The following ZMYND11 variants were observed in gnomAD, a reference collection of about 807,000 sequenced individuals.
ZMYND11 encodes zinc finger MYND domain-containing protein 11.
Under a neutral mutation model 84.9 loss-of-function variants are expected in ZMYND11, and 9 were observed. The observed-to-expected ratio is 0.11, with a 90% CI of 0.06 to 0.18. The LOEUF (loss-of-function observed/expected upper bound fraction) is 0.18, where lower values mean the gene tolerates loss of function less well. ZMYND11 is among the 10% of genes least tolerant of loss of function. ZMYND11 has a pLI of 1.00. For synonymous variants in ZMYND11, 250 were observed against 244.1 expected (o/e 1.02, Z -0.23); for missense variants, 409 against 761.0 (o/e 0.54, Z 5.44).
At chr10:214,604 G>A (rs2496275) in intron 3 of ZMYND11, among the ~76,000 whole-genome samples, 98,371 of 152,136 alleles carry the variant, frequency 0.65, 31,996 homozygotes, top group East Asian at 0.83. Context: ...GAAAAAGACC[G>A]CAAGACCAGG....
chr10:163,621 T>A (rs1323086151), intron 1 of ZMYND11, among the ~76,000 whole-genome samples: 1 of 152,164 alleles, frequency 6.6e-6, no homozygotes, highest in Non-Finnish European at 1.5e-5. Context: ...TAATTACATA[T>A]ATTTTAAAAA....
intron 9 of ZMYND11, among the ~76,000 whole-genome samples, chr10:241,373 T>G (rs1311123279): frequency 6.6e-6 from 1 of 152,250 alleles, no homozygotes; most frequent in Non-Finnish European, 1.5e-5. Context: ...AGATGGGGTT[T>G]TACCATGTTG....
intron 14 of ZMYND11, chr10:249,922 G>C (rs1953017152): frequency 6.7e-6 from 2 of 296,424 alleles, no homozygotes; most frequent in South Asian, 1.3e-4. Flanking sequence ...AAGATAACTT[G>C]GTAGGAAGAG....
intron 6 of ZMYND11, among the ~76,000 whole-genome samples, chr10:239,060 G>T (rs906277725): frequency 5.9e-5 from 9 of 152,318 alleles, no homozygotes; most frequent in East Asian, 1.9e-4. Flanking sequence ...ATCCTCCTGT[G>T]TTGTAAAGAA....
chr10:140,923 A>G (rs1837353625), intron 1 of ZMYND11, among the ~76,000 whole-genome samples: 1 of 152,220 alleles, frequency 6.6e-6, no homozygotes, highest in Non-Finnish European at 1.5e-5. Flanking sequence ...ATGTAAAACT[A>G]AAGAAGTAGA....
At chr10:142,226 C>G (rs1359791592) in intron 1 of ZMYND11, among the ~76,000 whole-genome samples, 5 of 152,100 alleles carry the variant, frequency 3.3e-5, no homozygotes, top group Admixed American at 2.0e-4. Flanking sequence ...TCAGCCTCCC[C>G]AGGAGCTAGA....
chr10:212,500 TAGAA>T (rs1452227741), intron 3 of ZMYND11, among the ~76,000 whole-genome samples: 1 of 151,540 alleles, frequency 6.6e-6, no homozygotes, highest in Non-Finnish European at 1.5e-5. Flanking sequence ...TGTAGTTTAT[TAGAA>T]AGAAGTAAGA....
rs1953942204 is a variant in ZMYND11 at position 253,904 on chromosome 10, CTGTGAAAT to C, written c.*1435_*1442del. ...AAAGATAAAAATGTAACTAAGTCTT[CTGTGAAAT>C]ATCATCCATCTAATCTTGATGCTGT... On this transcript the variant is annotated 3_prime_UTR_variant, in exon 15 of 15. Coordinates refer to ENST00000381604, the MANE Select transcript of ZMYND11 (RefSeq NM_001370100.5). 2 of 152,638 alleles carry C rather than the reference CTGTGAAAT, an allele frequency of 1.3e-5. No homozygotes were observed. The highest frequency in any genetic ancestry group is 1.3e-4 in the Admixed American group (2 of 15,282). 9.5% of individuals were successfully genotyped at this position (152,638 alleles called of 1,614,324 possible).
At chr10:176,079 C>A (rs1846553472) in intron 1 of ZMYND11, among the ~76,000 whole-genome samples, 1 of 152,200 alleles carries the variant, frequency 6.6e-6, no homozygotes, top group East Asian at 1.9e-4. Context: ...TTTGCTTATT[C>A]TTAAGTTTTT....
At chr10:166,168 C>T (rs1564301180) in intron 1 of ZMYND11, among the ~76,000 whole-genome samples, 1 of 152,160 alleles carries the variant, frequency 6.6e-6, no homozygotes, top group African/African-American at 2.4e-5. Flanking sequence ...ACAGTTTAAT[C>T]TTCCTGACCT....
chr10:177,396 G>T (rs931425284), intron 1 of ZMYND11, among the ~76,000 whole-genome samples: 4 of 152,022 alleles, frequency 2.6e-5, no homozygotes, highest in African/African-American at 9.7e-5. Flanking sequence ...GTATTACAAG[G>T]TATGTTTATT....
intron 4 of ZMYND11, among the ~76,000 whole-genome samples, chr10:223,682 GT>G (rs1947561261): frequency 6.6e-6 from 1 of 152,098 alleles, no homozygotes; most frequent in South Asian, 2.1e-4. Context: ...TTGTTTTATG[GT>G]ATTCAAGAAA....
chr10:145,728 G>A (rs940105661), intron 1 of ZMYND11, among the ~76,000 whole-genome samples: 3 of 151,880 alleles, frequency 2.0e-5, no homozygotes, highest in East Asian at 1.9e-4. Flanking sequence ...TCATTTGTCC[G>A]CTTTTTGATG....
intron 1 of ZMYND11, among the ~76,000 whole-genome samples, chr10:161,958 G>A (rs767035237): frequency 2.0e-5 from 3 of 152,156 alleles, no homozygotes; most frequent in Non-Finnish European, 4.4e-5. Flanking sequence ...TCGCAGCTGG[G>A]ATAGCTGTTT....
At chr10:180,478 C>CA (rs1384821078) in intron 2 of ZMYND11, among the ~76,000 whole-genome samples, 1 of 152,196 alleles carries the variant, frequency 6.6e-6, no homozygotes, top group East Asian at 1.9e-4. Context: ...CAGCTCATGG[C>CA]AACCTCCGCT....
At chr10:151,386 G>C (rs1554756997) in intron 1 of ZMYND11, among the ~76,000 whole-genome samples, 1 of 152,160 alleles carries the variant, frequency 6.6e-6, no homozygotes, top group African/African-American at 2.4e-5. Context: ...TGATGGAGCT[G>C]AAAACCATCG....
intron 2 of ZMYND11, among the ~76,000 whole-genome samples, chr10:200,205 G>GTGTGTGTGTGTGTGTGTGTGTGT (rs10523531): frequency 7.6e-6 from 1 of 132,434 alleles, no homozygotes. Context: ...GCCTGGCTAG[G>GTGTGTGTGTGTGTGTGTGTGTGT]GTGTGTGTGT....
intron 9 of ZMYND11, 60 bp from the exon 10 acceptor site, chr10:241,961 G>T: frequency 1.9e-6 from 3 of 1,562,000 alleles, no homozygotes; most frequent in African/African-American, 2.7e-5. Context: ...TAATATTAAT[G>T]GTACACTTGC....
chr10:147,737 G>A (rs1554755761), intron 1 of ZMYND11: 5 of 151,064 alleles, frequency 3.3e-5, no homozygotes, highest in South Asian at 4.2e-4. Context: ...GATGGATATC[G>A]AAGGTATCAT....
Sources: allele counts gnomAD v4.1 joint callset (sites outside exome capture counted in the v4.1 genomes callset), GRCh38; gene constraint gnomAD v4.1.1; transcripts MANE v1.5; gene names NCBI Gene and HGNC (gene_info 2026-07-23, HGNC 2026-07-21).